The following HPSE variants were observed in gnomAD, a reference collection of about 807,000 sequenced individuals.
HPSE encodes endo-glucoronidase.
In HPSE, 48 loss-of-function variants were observed where a neutral mutation model predicts 65.1. The ratio of observed to expected loss-of-function variants is 0.74; its 90% confidence interval spans 0.58 to 0.94. The LOEUF is 0.94. HPSE is among the 40% of genes least tolerant of loss of function. The pLI, the probability that HPSE is intolerant of heterozygous loss-of-function variation, is 0.00. For synonymous variants in HPSE, 243 were observed against 260.0 expected (o/e 0.93, Z 0.63); for missense variants, 644 against 637.5 (o/e 1.01, Z -0.11).
At position 83,324,113 on chromosome 4, in the gene HPSE, CTTTTTTTT is replaced by C. The variant is rs398051210; in HGVS notation, c.228-1757_228-1750del. 9.3e-3 allele frequency among the ~76,000 whole-genome samples: 698 copies of C among 74,802 alleles called. 4 individuals are homozygous for C. The highest frequency in any genetic ancestry group is 0.034 in the African/African-American group (663 of 19,252). The allele number at this position is 74,802 out of a possible 152,430, so 49.1% of individuals were successfully genotyped here. On this transcript the variant is annotated intron_variant, in intron 1 of 11. Transcript: ENST00000311412. ...CTGATTGCCAATACTTCTTCTTCTTCTTTTTTTTTTTTTTTTTTTTTTTTTGAGACAGG... is the reference window on the plus strand; with the variant it reads ...CTGATTGCCAATACTTCTTCTTCTTCTTTTTTTTTTTTTTTTTGAGACAGG...
In HPSE at chr4:83,302,209, G is replaced by A. The variant is rs377673791; in HGVS notation, c.1266C>T (p.Ser422=). ...GCTTCCTTCTCTTTGAACCTTGCAC[G>A]CTTGCCATTAACACCTTGGTGCCCA... is the stretch of plus-strand genomic sequence containing the variant. ...KLVGTKVLMA[S]VQGSKRRKLR... The change falls in exon 10 of 12, where the codon AGC becomes AGT. Residue 422 remains serine, a synonymous_variant. Transcript: ENST00000311412. 57 of 1,613,770 alleles carry A rather than the reference G, an allele frequency of 3.5e-5. No individual in the cohort carries two copies. The highest frequency in any genetic ancestry group is 6.7e-5 in the African/African-American group (5 of 74,916).
chr4:83,302,143 T>C lies in HPSE; in HGVS notation c.1325+7A>G, dbSNP rs1735972794. On this transcript the variant is annotated splice_region_variant and intron_variant, in intron 10 of 11. Transcript: ENST00000311412. ...GATGATTGGTAAAGGGTGTGTTTCATACTTACTTGTCAGTGTTTGTGCAAT... is the reference window on the plus strand; with the variant it reads ...GATGATTGGTAAAGGGTGTGTTTCACACTTACTTGTCAGTGTTTGTGCAAT... 6.3e-7 allele frequency: 1 copy of C among 1,582,464 alleles called. No individual in the cohort carries two copies. The highest frequency in any genetic ancestry group is 8.7e-7 in the Non-Finnish European group (1 of 1,151,374).
chr4:83,319,519 C>G lies in HPSE; in HGVS notation c.374-50G>C, dbSNP rs1376761867. On this transcript the variant is annotated intron_variant, in intron 2 of 11. Transcript: ENST00000311412. ...AAGGTCTGTTTTCACAGTGAGCAGA[C>G]TGAAATCGCATATATTTATTTAGTT... 3 of 1,568,550 alleles carry G rather than the reference C, an allele frequency of 1.9e-6. No homozygotes were observed. The African/African-American group carries it at 4.1e-5, about 21-fold the overall frequency.
Position 83,310,715 on chromosome 4 carries a change from T to C in HPSE, c.842+7A>G. 1 of 1,608,186 alleles carries C rather than the reference T, an allele frequency of 6.2e-7. No individual in the cohort carries two copies. Among genetic ancestry groups the C allele is most frequent in the Non-Finnish European group, 8.5e-7 (1 of 1,177,768 alleles). On this transcript the variant is annotated splice_region_variant and intron_variant, in intron 5 of 11. Transcript: ENST00000311412. ...AGTAAAGTGATTCTGCATCCTCTAG[T>C]TCCTACCTCTTCAGCATCTTAGCCG...
At chr4:83,301,203 T>A in intron 10 of HPSE, 97 bp from the exon 11 acceptor site, 4 of 727,980 alleles carry the variant, frequency 5.5e-6, no homozygotes, top group Non-Finnish European at 8.7e-6. Flanking sequence ...GTATCCATAA[T>A]GACAATCCAT....
At chr4:83,318,764 G>A (rs1736757077) in intron 3 of HPSE, among the ~76,000 whole-genome samples, 1 of 150,620 alleles carries the variant, frequency 6.6e-6, no homozygotes, top group South Asian at 2.1e-4. Flanking sequence ...AAAGCCCCAT[G>A]TGACAATGTC....
chr4:83,307,253 A>G lies in HPSE; in HGVS notation c.1092-936T>C, dbSNP rs538667086. Reference sequence around the variant, plus strand: ...TCTTGATAATTGGCTCTATCTAGACAGCAGGCAAGGTGAACCTGTTGGGTG... The same window carrying G: ...TCTTGATAATTGGCTCTATCTAGACGGCAGGCAAGGTGAACCTGTTGGGTG... On this transcript the variant is annotated intron_variant, in intron 8 of 11. Coordinates refer to ENST00000311412, the MANE Select transcript of HPSE (RefSeq NM_001098540.3). Among the ~76,000 whole-genome samples the G allele has an allele frequency of 2.0e-5, 3 of 152,366 alleles. No individual in the cohort carries two copies. The East Asian group carries it at 5.8e-4, about 29-fold the overall frequency.
rs1333178805 is a variant in HPSE at position 83,310,723 on chromosome 4, TC to T, written c.840del (p.Ser281AlafsTer3). On this transcript the variant is annotated frameshift_variant and splice_region_variant, in exon 5 of 12. Transcript: ENST00000311412. LOFTEE classifies it high-confidence loss of function. ...GATTCTGCATCCTCTAGTTCCTACCTCTTCAGCATCTTAGCCGTCTTTCTTC... is the reference window on the plus strand; with the variant it reads ...GATTCTGCATCCTCTAGTTCCTACCTTTCAGCATCTTAGCCGTCTTTCTTC... ...QPRRKTAKML[K>X]SFLKAGGEVI... is the part of the protein sequence containing the mutation. The T allele has an allele frequency of 1.9e-6, 3 of 1,609,298 alleles. No individual in the cohort carries two copies. In the South Asian group the frequency reaches 3.3e-5, roughly 18 times the overall value.
intron 1 of HPSE, 127 bp downstream of exon 1, chr4:83,334,429 G>C (rs1737528491): frequency 9.5e-7 from 1 of 1,058,194 alleles, no homozygotes; most frequent in Non-Finnish European, 1.4e-6. Context: ...AAGTGGGGTG[G>C]GGAGAGACAG....
At position 83,322,261 on chromosome 4, in the gene HPSE, T is replaced by C. The variant is rs372465992; in HGVS notation, c.331A>G (p.Thr111Ala). The C allele has an allele frequency of 8.2e-5, 132 of 1,613,970 alleles. No individual in the cohort carries two copies. In the Middle Eastern group the frequency reaches 8.2e-4, roughly 10 times the overall value. Residue 111 changes from threonine to alanine, a missense_variant, in exon 2 of 12, where the codon ACC (threonine) becomes GCC (alanine). Physicochemically the swap from Thr to Ala is moderately conservative, Grantham distance 58. Transcript: ENST00000311412. The stretch of plus-strand genomic sequence containing the variant: ...TGCCAGTAACTTCTCTCTTCAAAGG[T>C]TGATTCCTTCTTGGGATCGAAAATT... ...FLIFDPKKES[T>A]FEERSYWQSQ... is the part of the protein sequence containing the mutation.
At chr4:83,311,699 A>G (rs1156750041) in intron 4 of HPSE, among the ~76,000 whole-genome samples, 1 of 149,932 alleles carries the variant, frequency 6.7e-6, no homozygotes, top group African/African-American at 2.5e-5. Flanking sequence ...GAGAGATTGC[A>G]TGAGCCCAGG....
chr4:83,334,720 C>T lies in HPSE; in HGVS notation c.63G>A (p.Leu21=). 1 of 1,563,932 alleles carries T rather than the reference C, an allele frequency of 6.4e-7. No homozygotes were observed. Among genetic ancestry groups the T allele is most frequent in the African/African-American group, 1.4e-5 (1 of 73,796 alleles). Residue 21 remains leucine (L), a synonymous_variant, in exon 1 of 12, where the codon CTG becomes CTA. Transcript: ENST00000311412. ...PPLMLLLLGP[L]GPLSPGALPR... ...GCAGGGCGCCAGGGGAGAGGGGACC[C>T]AGCGGCCCCAGGAGCAGCAGCATCA...
At chr4:83,306,397 A>C in intron 8 of HPSE, 80 bp from the exon 9 acceptor site, 1 of 688,812 alleles carries the variant, frequency 1.5e-6, no homozygotes, top group South Asian at 1.7e-5. Flanking sequence ...TCTTGATTTT[A>C]TTTATGTATT....
intron 5 of HPSE, 101 bp downstream of exon 5, chr4:83,310,621 A>G (rs768082904): frequency 2.7e-6 from 3 of 1,126,614 alleles, no homozygotes; most frequent in Admixed American, 4.6e-5. Flanking sequence ...GCAGTGAGCC[A>G]TGATTGTACC....
chr4:83,330,360 T>C (rs1029298453), intron 1 of HPSE, among the ~76,000 whole-genome samples: 1 of 152,136 alleles, frequency 6.6e-6, no homozygotes, highest in African/African-American at 2.4e-5. Context: ...CAGGGCACAG[T>C]GGACAGGGTT....
At chr4:83,330,900 C>T (rs990802991) in intron 1 of HPSE, among the ~76,000 whole-genome samples, 2 of 152,074 alleles carry the variant, frequency 1.3e-5, no homozygotes, top group African/African-American at 4.8e-5. Flanking sequence ...GGCTACTGAA[C>T]GCTTGAAATA....
intron 1 of HPSE, among the ~76,000 whole-genome samples, chr4:83,322,789 T>TTTTGTGTGTGTGTG (rs1553920742): frequency 2.9e-5 from 3 of 104,004 alleles, no homozygotes; most frequent in South Asian, 3.5e-4. Context: ...AAGAGCTTGT[T>TTTTGTGTGTGTGTG]TGTGTGTGTG....
At chr4:83,302,110 TA>T in intron 10 of HPSE, 39 bp downstream of exon 10, 1 of 1,398,266 alleles carries the variant, frequency 7.2e-7, no homozygotes, top group Non-Finnish European at 1.0e-6. Context: ...GCTTACCCAC[TA>T]AAACTTGATG....
intron 8 of HPSE, among the ~76,000 whole-genome samples, chr4:83,308,614 G>A (rs919979234): frequency 1.3e-5 from 2 of 152,072 alleles, no homozygotes; most frequent in Non-Finnish European, 2.9e-5. Context: ...CATAATTAAA[G>A]GCCAAAATTT....
Sources: gnomAD v4.1 joint callset for allele counts (sites outside exome capture counted in the v4.1 genomes callset) on GRCh38, gnomAD v4.1.1 for gene constraint, MANE v1.5 for transcripts, NCBI Gene and HGNC (gene_info 2026-07-23, HGNC 2026-07-21) for gene names.